Variants in SLC35A2 observed in about 807,000 individuals in gnomAD.
SLC35A2 encodes the protein solute carrier family 35 member A2, also known as UDP-galactose translocator.
A neutral mutation model predicts 17.3 loss-of-function variants in SLC35A2; 1 was observed. The observed-to-expected ratio is 0.06, with a 90% confidence interval of 0.02 to 0.27. The LOEUF is 0.27. Among genes scored for constraint, SLC35A2 ranks in the 10% least tolerant of loss-of-function variants. The probability of loss-of-function intolerance (pLI) is 1.00; values close to 1 mark genes in which losing one functional copy is unlikely to be tolerated. For missense variants in SLC35A2, 191 were observed against 339.3 expected, an observed-to-expected ratio of 0.56 and a Z score of 3.43; for synonymous variants, 161 against 161.3, an observed-to-expected ratio of 1.00 and a Z score of 0.01.
At chrX:48,910,876 T>G (rs1421756936) in intron 1 of SLC35A2, among the ~76,000 whole-genome samples, 1 of 109,870 alleles carries the variant, frequency 9.1e-6, no homozygotes, top group Non-Finnish European at 1.9e-5. Context: ...TGGTCTGCCC[T>G]CCCACCACCG....
intron 4 of SLC35A2, chrX:48,903,775 C>T: frequency 1.1e-6 from 1 of 917,529 alleles, no homozygotes; most frequent in Non-Finnish European, 1.4e-6. Flanking sequence ...TCCATGCACA[C>T]ACACACCCCG....
Position 48,903,428 on chromosome X carries a change from A to G in SLC35A2, c.*10T>C, listed in dbSNP as rs1557042135. ...GAACGAGGCCAGGCCAATGTCTTCA[A>G]TCCCAGCGGCTAGGAACCCTTCACC... is the stretch of plus-strand genomic sequence containing the variant. On this transcript the variant is annotated 3_prime_UTR_variant, in exon 5 of 5. Coordinates refer to ENST00000247138, the MANE Select transcript of SLC35A2 (RefSeq NM_005660.3). 3.5e-6 allele frequency: 2 copies of G among 574,293 alleles called. No homozygotes were observed. The highest frequency in any genetic ancestry group is 6.4e-6 in the Non-Finnish European group (2 of 313,001). The allele number at this position is 574,293 out of a possible 1,213,427, so 47.3% of individuals were successfully genotyped here. A position where few individuals can be genotyped will look rare whatever the true frequency, so the allele number is the denominator to read the frequency against.
At position 48,906,229 on chromosome X, in the gene SLC35A2, C is replaced by T. The variant is rs192206265; in HGVS notation, c.426+163G>A. ...GTGAACAGGCATTACTATTTCCACC[C>T]CCAATTTTCACAGACGAGAAAAGGG... is the stretch of plus-strand genomic sequence containing the variant. On this transcript the variant is annotated intron_variant, in intron 3 of 4. Coordinates refer to ENST00000247138, the MANE Select transcript of SLC35A2 (RefSeq NM_005660.3). 26 of 498,124 alleles carry T rather than the reference C, an allele frequency of 5.2e-5. No individual in the cohort carries two copies. In the Admixed American group the frequency reaches 7.3e-4, roughly 14 times the overall value. 41.1% of individuals were successfully genotyped at this position (498,124 alleles called of 1,213,427 possible). A position where few individuals can be genotyped will look rare whatever the true frequency, so the allele number is the denominator to read the frequency against.
At chrX:48,907,739 G>A (rs961110966) in intron 2 of SLC35A2, among the ~76,000 whole-genome samples, 1 of 111,802 alleles carries the variant, frequency 8.9e-6, no homozygotes, top group African/African-American at 3.2e-5. Context: ...CATGATAATC[G>A]GGCTGGGCGC....
intron 4 of SLC35A2, chrX:48,903,709 C>A: frequency 2.0e-6 from 2 of 1,005,525 alleles, no homozygotes; most frequent in Non-Finnish European, 1.3e-6. Flanking sequence ...ACAAATTAAT[C>A]AAAAATAAAG....
intron 4 of SLC35A2, 77 bp from the exon 5 acceptor site, chrX:48,903,542 G>A: frequency 1.8e-6 from 1 of 558,881 alleles, no homozygotes; most frequent in Non-Finnish European, 3.2e-6. Context: ...GCAAGTGAGG[G>A]CGGCGGTGGT....
At chrX:48,909,219 G>C (rs1053837936) in intron 2 of SLC35A2, among the ~76,000 whole-genome samples, 1 of 112,262 alleles carries the variant, frequency 8.9e-6, no homozygotes, top group Non-Finnish European at 1.9e-5. Context: ...TCAGGAGTTC[G>C]AGACCATCCT....
At chrX:48,908,407 C>T (rs1426559291) in intron 2 of SLC35A2, among the ~76,000 whole-genome samples, 1 of 111,222 alleles carries the variant, frequency 9.0e-6, no homozygotes, top group Non-Finnish European at 1.9e-5. Context: ...TGAGCAACCA[C>T]GCCCAGCCAG....
chrX:48,905,084 C>G lies in SLC35A2; in HGVS notation c.825G>C (p.Val275=), dbSNP rs2063479508. 1 of 1,211,236 alleles carries G rather than the reference C, an allele frequency of 8.3e-7. No individual in the cohort carries two copies. ...GTAGCCCGCCGAAGGCCTGGTTGAG[C>G]ACCACGCCCCAGACAGCAGGTGTGT... is the stretch of plus-strand genomic sequence containing the variant. The part of the protein sequence containing the change: ...FGYTPAVWGV[V]LNQAFGGLLV... The change falls in exon 4 of 5, where the codon GTG becomes GTC. Residue 275 remains valine (V), a synonymous_variant. Coordinates refer to ENST00000247138, the MANE Select transcript of SLC35A2 (RefSeq NM_005660.3).
intron 4 of SLC35A2, 50 bp downstream of exon 4, chrX:48,904,696 C>T: frequency 8.3e-7 from 1 of 1,211,421 alleles, no homozygotes; most frequent in African/African-American, 1.7e-5. Flanking sequence ...CCCAGTCCCC[C>T]TCCCTTGTGT....
intron 1 of SLC35A2, among the ~76,000 whole-genome samples, chrX:48,911,239 G>A (rs2063531076): frequency 9.0e-6 from 1 of 110,657 alleles, no homozygotes; most frequent in African/African-American, 3.3e-5. Flanking sequence ...TCCCACACCC[G>A]CAGAATGGTC....
chrX:48,907,163 C>T (rs1182159015), intron 2 of SLC35A2, among the ~76,000 whole-genome samples: 9 of 95,131 alleles, frequency 9.5e-5, no homozygotes, highest in Admixed American at 8.1e-4. Context: ...AGTGAGACTC[C>T]ATCTCAAAAA....
At chrX:48,911,763 C>T, upstream of SLC35A2, 1 of 1,163,840 alleles carries the variant, frequency 8.6e-7, no homozygotes, top group Non-Finnish European at 1.1e-6. Flanking sequence ...TGGCTTTTCT[C>T]CTCCGCTCCT....
Position 48,905,003 on chromosome X carries a change from G to A in SLC35A2, c.906C>T (p.Ser302=). 8.3e-7 allele frequency: 1 copy of A among 1,211,561 alleles called. No individual in the cohort carries two copies. The highest frequency in any genetic ancestry group is 1.1e-6 in the Non-Finnish European group (1 of 895,206). Residue 302 remains serine, a synonymous_variant, in exon 4 of 5, where the codon TCC becomes TCT. Coordinates refer to ENST00000247138, the MANE Select transcript of SLC35A2 (RefSeq NM_005660.3). ...CAACAGTGGACAGCACAATGGACAGGGAGGTGGCAAAGCCCTTGAGGATAT... is the reference window on the plus strand; with the variant it reads ...CAACAGTGGACAGCACAATGGACAGAGAGGTGGCAAAGCCCTTGAGGATAT... The part of the protein sequence containing the change: ...ADNILKGFAT[S]LSIVLSTVAS...
At position 48,906,634 on chromosome X, in the gene SLC35A2, C is replaced by T. The variant is rs2063492663; in HGVS notation, c.275-91G>A. ...GGAACAGGCCTTGCTCCTGTGACTC[C>T]CCCATCCACCCTGCTGTCCAATCCC... On this transcript the variant is annotated intron_variant, in intron 2 of 4. Coordinates refer to ENST00000247138, the MANE Select transcript of SLC35A2 (RefSeq NM_005660.3). 1.0e-5 allele frequency: 8 copies of T among 802,691 alleles called. No individual in the cohort carries two copies. In the South Asian group the frequency reaches 1.7e-4, roughly 17 times the overall value. The allele number at this position is 802,691 out of a possible 1,213,427, so 66.2% of individuals were successfully genotyped here. A position where few individuals can be genotyped will look rare whatever the true frequency, so the allele number is the denominator to read the frequency against.
chrX:48,905,792 A>C, intron 3 of SLC35A2: 1 of 314,516 alleles, frequency 3.2e-6, no homozygotes, highest in Non-Finnish European at 5.5e-6. Context: ...TCATCTATAA[A>C]AGATGGCTGA....
rs2063455643 is a variant in SLC35A2, at chrX:48,903,247, G to C, written c.*191C>G. ...AAGAGATAGTGTGGAGCTGGCAGGGGCTGGGGGGCTGAGCTGAGGTGGGTC... is the reference window on the plus strand; with the variant it reads ...AAGAGATAGTGTGGAGCTGGCAGGGCCTGGGGGGCTGAGCTGAGGTGGGTC... On this transcript the variant is annotated 3_prime_UTR_variant, in exon 5 of 5. Coordinates refer to ENST00000247138, the MANE Select transcript of SLC35A2 (RefSeq NM_005660.3). 4.2e-6 allele frequency: 4 copies of C among 943,343 alleles called. No individual in the cohort carries two copies. The East Asian group carries it at 1.0e-4, about 24-fold the overall frequency. The allele number at this position is 943,343 out of a possible 1,213,427, so 77.7% of individuals were successfully genotyped here.
intron 2 of SLC35A2, among the ~76,000 whole-genome samples, chrX:48,908,035 C>CA (rs1163015685): frequency 1.0e-5 from 1 of 98,441 alleles, no homozygotes; most frequent in Non-Finnish European, 2.0e-5. Flanking sequence ...AACAAACAAA[C>CA]AAAAAACATG....
chrX:48,910,337 G>A (rs1557043813), intron 1 of SLC35A2: 26 of 1,057,244 alleles, frequency 2.5e-5, no homozygotes, highest in Non-Finnish European at 3.1e-5. Context: ...AAAGAATACC[G>A]ACAACTACAT....
Sources: gnomAD v4.1 joint callset for allele counts (sites outside exome capture counted in the v4.1 genomes callset) on GRCh38, gnomAD v4.1.1 for gene constraint, MANE v1.5 for transcripts, NCBI Gene and HGNC (gene_info 2026-07-23, HGNC 2026-07-21) for gene names.